MAP3K2: variants seen among roughly 807,000 people sequenced by gnomAD.
MAP3K2 encodes mitogen-activated protein kinase kinase kinase 2, also known as MAP/ERK kinase kinase 2.
MAP3K2 carries 24 observed loss-of-function variants against 80.3 expected under a neutral mutation model. The observed-to-expected ratio is 0.30, with a 90% confidence interval of 0.22 to 0.42. The LOEUF (loss-of-function observed/expected upper bound fraction) is 0.42. Among genes scored for constraint, MAP3K2 ranks in the 10% least tolerant of loss-of-function variants. MAP3K2 has a pLI of 1.00. For synonymous variants in MAP3K2, 244 were observed against 253.7 expected, an observed-to-expected ratio of 0.96 and a Z score of 0.36; for missense variants, 608 against 750.1, an observed-to-expected ratio of 0.81 and a Z score of 2.21.
At chr2:127,346,791 C>T (rs1205078550) in intron 1 of MAP3K2, among the ~76,000 whole-genome samples, 1 of 151,780 alleles carries the variant, frequency 6.6e-6, no homozygotes, top group Non-Finnish European at 1.5e-5. Flanking sequence ...AGTTCGAAAT[C>T]AGCCTGGCCA....
At chr2:127,374,640 T>C (rs577995254) in intron 1 of MAP3K2, among the ~76,000 whole-genome samples, 60 of 152,362 alleles carry the variant, frequency 3.9e-4, no homozygotes, top group Non-Finnish European at 3.1e-4. Flanking sequence ...TTGGAAAACG[T>C]AGATATGTAC....
At chr2:127,329,645 G>A (rs1686212899) in intron 7 of MAP3K2, among the ~76,000 whole-genome samples, 1 of 152,116 alleles carries the variant, frequency 6.6e-6, no homozygotes, top group Non-Finnish European at 1.5e-5. Flanking sequence ...ATGAGCTACC[G>A]CGCCCAGCCT....
rs549819904 is a variant in MAP3K2 at position 127,351,681 on chromosome 2, AT to A, written c.-65-8488del. On this transcript the variant is annotated intron_variant, in intron 1 of 16. Transcript: ENST00000682094. ...AATAGTTTCATATCTGATCAACTTG[AT>A]TTTACTCCAAACTCTAATATAACTC... is the stretch of plus-strand genomic sequence containing the variant. 3.5e-3 allele frequency among the ~76,000 whole-genome samples: 534 copies of A among 152,180 alleles called. 9 individuals are homozygous for A. The highest frequency in any genetic ancestry group is 0.012 in the African/African-American group (491 of 41,460).
Position 127,305,133 on chromosome 2 carries a change from A to C in MAP3K2, c.*2446T>G, listed in dbSNP as rs917096811. 3 of 152,516 alleles carry C rather than the reference A, an allele frequency of 2.0e-5. No homozygotes were observed. The highest frequency in any genetic ancestry group is 7.2e-5 in the African/African-American group (3 of 41,434). 9.4% of individuals were successfully genotyped at this position (152,516 alleles called of 1,614,324 possible). A position where few individuals can be genotyped will look rare whatever the true frequency, so the allele number is the denominator to read the frequency against. On this transcript the variant is annotated 3_prime_UTR_variant, in exon 17 of 17. Transcript: ENST00000682094. ...TACAGTCTCACCAGATTTCTCTCTA[A>C]AGAGCATTTGTCTCATATTGTGCAC...
chr2:127,306,241 C>T lies in MAP3K2; in HGVS notation c.*1338G>A, dbSNP rs888853715. 1 of 152,152 alleles carries T rather than the reference C, an allele frequency of 6.6e-6. No individual in the cohort carries two copies. The highest frequency in any genetic ancestry group is 1.9e-4 in the East Asian group (1 of 5,202). 9.4% of individuals were successfully genotyped at this position (152,152 alleles called of 1,614,324 possible). A position where few individuals can be genotyped will look rare whatever the true frequency, so the allele number is the denominator to read the frequency against. Reference sequence around the variant, plus strand: ...AGCTGTTTTCAGTTTATAACTGGGACTGATCTTTACATCAGGGTTTCTCAG... The same window carrying T: ...AGCTGTTTTCAGTTTATAACTGGGATTGATCTTTACATCAGGGTTTCTCAG... On this transcript the variant is annotated 3_prime_UTR_variant, in exon 17 of 17. Transcript: ENST00000682094. This position sits in a 1 kb window ranked among gnomAD's most constrained non-coding sequence, Gnocchi z 4.7.
chr2:127,334,225 A>ATAGG (rs1686319824), intron 5 of MAP3K2, among the ~76,000 whole-genome samples: 1 of 152,178 alleles, frequency 6.6e-6, no homozygotes, highest in African/African-American at 2.4e-5. Context: ...AGGAGGTGAC[A>ATAGG]TAGGTATAAT....
In MAP3K2 at chr2:127,387,936, G is replaced by A. The variant is rs536837803; in HGVS notation, c.-550C>T. 7,108 of 984,850 alleles carry A rather than the reference G, an allele frequency of 7.2e-3. 34 individuals carry two copies. Among genetic ancestry groups the A allele is most frequent in the South Asian group, 8.7e-3 (185 of 21,290 alleles). 61.0% of individuals were successfully genotyped at this position (984,850 alleles called of 1,614,324 possible). A position where few individuals can be genotyped will look rare whatever the true frequency, so the allele number is the denominator to read the frequency against. On this transcript the variant is annotated 5_prime_UTR_variant, in exon 1 of 17. Coordinates refer to ENST00000682094, the MANE Select transcript of MAP3K2 (RefSeq NM_001371910.2). ...CACCCTCGTCAGGCGCCGCCGCTGAGGGCAGGCAGCCCGGCAGCCACTACA... is the reference window on the plus strand; with the variant it reads ...CACCCTCGTCAGGCGCCGCCGCTGAAGGCAGGCAGCCCGGCAGCCACTACA...
At chr2:127,343,015 T>A in intron 2 of MAP3K2, 111 bp downstream of exon 2, 1 of 742,246 alleles carries the variant, frequency 1.3e-6, no homozygotes, top group Admixed American at 2.8e-5. Context: ...ATCTGCTATA[T>A]CATAAAATTT....
chr2:127,314,169 G>T (rs768881438), intron 15 of MAP3K2, among the ~76,000 whole-genome samples: 10 of 152,134 alleles, frequency 6.6e-5, no homozygotes, highest in African/African-American at 9.7e-5. Context: ...CTGAGTTTTT[G>T]AGTTTTAAAG....
At chr2:127,361,145 C>T (rs144921913) in intron 1 of MAP3K2, among the ~76,000 whole-genome samples, 2 of 151,814 alleles carry the variant, frequency 1.3e-5, no homozygotes, top group Non-Finnish European at 2.9e-5. Flanking sequence ...AACCCCGTCT[C>T]TACTAAAAAT....
chr2:127,346,239 A>G (rs1425097770), intron 1 of MAP3K2, among the ~76,000 whole-genome samples: 1 of 151,882 alleles, frequency 6.6e-6, no homozygotes, highest in African/African-American at 2.4e-5. Context: ...TGACACAGAC[A>G]AATTCCTAAA....
chr2:127,379,929 T>C (rs1055283425), intron 1 of MAP3K2, among the ~76,000 whole-genome samples: 3 of 152,212 alleles, frequency 2.0e-5, no homozygotes, highest in African/African-American at 7.2e-5. Flanking sequence ...TGGGTTGTTG[T>C]AGGGATTAAA....
intron 11 of MAP3K2, among the ~76,000 whole-genome samples, chr2:127,323,548 G>A (rs1686069615): frequency 6.6e-6 from 1 of 151,892 alleles, no homozygotes; most frequent in Non-Finnish European, 1.5e-5. Flanking sequence ...TTAGCTGGGT[G>A]TGATGGCAAA....
chr2:127,385,332 A>G (rs1379769832), intron 1 of MAP3K2, among the ~76,000 whole-genome samples: 2 of 152,232 alleles, frequency 1.3e-5, no homozygotes, highest in African/African-American at 4.8e-5. Context: ...CCACCAGCAA[A>G]AAGATTACAA....
intron 4 of MAP3K2, among the ~76,000 whole-genome samples, chr2:127,336,952 C>T (rs1054719752): frequency 6.6e-6 from 1 of 152,090 alleles, no homozygotes; most frequent in African/African-American, 2.4e-5. Context: ...ACCAGCCTGG[C>T]CAACATGGTG....
chr2:127,322,051 C>G lies in MAP3K2; in HGVS notation c.1040G>C (p.Ser347Thr), dbSNP rs780009212. ...TACCAAGTTCTATTACTTACAACGG[C>G]TGGGTGGGCTGATGTCCATTACGGT... ...TLTVMDISPP[S>T]RSPRAPTNWR... Residue 347 changes from serine (S) to threonine (T), a missense_variant, in exon 12 of 17, where the codon AGC becomes ACC. Coordinates refer to ENST00000682094, the MANE Select transcript of MAP3K2 (RefSeq NM_001371910.2). The surrounding 1 kb of genome is among the most constrained non-coding windows in gnomAD (Gnocchi z 4.2). 1 of 1,612,534 alleles carries G rather than the reference C, an allele frequency of 6.2e-7. No homozygotes were observed. Among genetic ancestry groups the G allele is most frequent in the Non-Finnish European group, 8.5e-7 (1 of 1,179,230 alleles).
chr2:127,363,055 A>C (rs1304662718), intron 1 of MAP3K2, among the ~76,000 whole-genome samples: 1 of 152,236 alleles, frequency 6.6e-6, no homozygotes, highest in Non-Finnish European at 1.5e-5. Flanking sequence ...TGTGTTAGGT[A>C]TTACAAGTAA....
chr2:127,335,582 T>G (rs1686350438), intron 5 of MAP3K2, among the ~76,000 whole-genome samples: 1 of 152,176 alleles, frequency 6.6e-6, no homozygotes, highest in South Asian at 2.1e-4. Context: ...ACCAATAAAG[T>G]ACACAGAATA....
intron 15 of MAP3K2, among the ~76,000 whole-genome samples, chr2:127,312,921 T>C (rs1396242058): frequency 6.7e-6 from 1 of 149,888 alleles, no homozygotes; most frequent in Admixed American, 6.7e-5. Flanking sequence ...AGCCGAGATC[T>C]CCCCATTGCA....
Sources: gnomAD v4.1 joint callset for allele counts (sites outside exome capture counted in the v4.1 genomes callset) on GRCh38, gnomAD v4.1.1 for gene constraint, Gnocchi (gnomAD v3.1) non-coding constraint, MANE v1.5 for transcripts, NCBI Gene and HGNC (gene_info 2026-07-23, HGNC 2026-07-21) for gene names.